The following ATXN1 variants were observed in gnomAD, a reference collection of about 807,000 sequenced individuals.
ATXN1 encodes the protein ataxin 1.
Under a neutral mutation model 56.4 loss-of-function variants are expected in ATXN1, and 8 were observed. The ratio of observed to expected loss-of-function variants is 0.14; its 90% CI spans 0.08 to 0.26. The LOEUF (loss-of-function observed/expected upper bound fraction) is 0.26, where lower values mean the gene tolerates loss of function less well. Among genes scored for constraint, ATXN1 ranks in the 10% least tolerant of loss-of-function variants. The pLI is 1.00. For missense variants in ATXN1, 987 were observed against 1,106.5 expected (o/e 0.89, Z 1.53); for synonymous variants, 514 against 494.6 (o/e 1.04, Z -0.52).
intron 2 of ATXN1, among the ~76,000 whole-genome samples, chr6:16,712,079 G>A (rs535337913): frequency 1.3e-5 from 2 of 152,252 alleles, no homozygotes; most frequent in South Asian, 2.1e-4. Flanking sequence ...TGACAGGAAG[G>A]GGGCAGAGGG....
At chr6:16,339,839 G>C (rs1761205340) in intron 6 of ATXN1, among the ~76,000 whole-genome samples, 1 of 152,190 alleles carries the variant, frequency 6.6e-6, no homozygotes, top group Non-Finnish European at 1.5e-5. Flanking sequence ...CTGTAGTGCA[G>C]TGGCGTGATC....
chr6:16,476,876 G>A (rs1514330), intron 6 of ATXN1, among the ~76,000 whole-genome samples: 5,724 of 152,228 alleles, frequency 0.038, 536 homozygotes, highest in East Asian at 0.33. Context: ...TATACAAAAC[G>A]TGCTAGAAAT....
At chr6:16,733,041 C>T (rs1011149858) in intron 2 of ATXN1, among the ~76,000 whole-genome samples, 2 of 152,304 alleles carry the variant, frequency 1.3e-5, no homozygotes, top group South Asian at 2.1e-4. Context: ...TATTTTCCAA[C>T]CGATGAAAGA....
chr6:16,504,773 A>G (rs1760949811), intron 5 of ATXN1, among the ~76,000 whole-genome samples: 2 of 152,104 alleles, frequency 1.3e-5, no homozygotes, highest in African/African-American at 4.8e-5. Context: ...CATGTGTAAA[A>G]TAACACAGGG....
At chr6:16,683,208 A>G (rs752854904) in intron 2 of ATXN1, among the ~76,000 whole-genome samples, 9 of 152,244 alleles carry the variant, frequency 5.9e-5, no homozygotes, top group Non-Finnish European at 8.8e-5. Context: ...CTAGAAGTCC[A>G]TATGTCAGTC....
intron 7 of ATXN1, among the ~76,000 whole-genome samples, chr6:16,314,150 C>T (rs1161764182): frequency 6.6e-6 from 1 of 152,184 alleles, no homozygotes; most frequent in Admixed American, 6.5e-5. Context: ...ACTACCTAGA[C>T]AATGTACTTT....
intron 6 of ATXN1, among the ~76,000 whole-genome samples, chr6:16,362,810 C>T (rs1165642098): frequency 6.6e-6 from 1 of 152,172 alleles, no homozygotes; most frequent in Non-Finnish European, 1.5e-5. Context: ...CTCCCACCCA[C>T]TCATGTCGCA....
chr6:16,444,571 CTG>C (rs1759595075), intron 6 of ATXN1, among the ~76,000 whole-genome samples: 1 of 152,112 alleles, frequency 6.6e-6, no homozygotes, highest in African/African-American at 2.4e-5. Flanking sequence ...TGGTTTGACA[CTG>C]TGAACTAGCT....
At chr6:16,407,360 C>T (rs1758706358) in intron 6 of ATXN1, among the ~76,000 whole-genome samples, 1 of 152,156 alleles carries the variant, frequency 6.6e-6, no homozygotes, top group Non-Finnish European at 1.5e-5. Flanking sequence ...CTGCTGTGTC[C>T]ACCAGTGCCT....
chr6:16,484,362 A>C (rs1451151366), intron 6 of ATXN1, among the ~76,000 whole-genome samples: 1 of 152,218 alleles, frequency 6.6e-6, no homozygotes, highest in African/African-American at 2.4e-5. Context: ...TGAGCTTGGG[A>C]GGCAGAGGTT....
chr6:16,725,772 AT>A (rs1759835667), intron 2 of ATXN1, among the ~76,000 whole-genome samples: 1 of 152,186 alleles, frequency 6.6e-6, no homozygotes, highest in African/African-American at 2.4e-5. Flanking sequence ...TTCCTGCACC[AT>A]TTTAAAGGAA....
At chr6:16,697,821 T>C (rs894497885) in intron 2 of ATXN1, among the ~76,000 whole-genome samples, 2 of 152,108 alleles carry the variant, frequency 1.3e-5, no homozygotes, top group Non-Finnish European at 2.9e-5. Flanking sequence ...GCACCTAAGT[T>C]CAAATTAGGA....
intron 3 of ATXN1, among the ~76,000 whole-genome samples, chr6:16,602,689 A>G (rs1762933733): frequency 6.6e-6 from 1 of 152,126 alleles, no homozygotes; most frequent in Admixed American, 6.5e-5. Flanking sequence ...TGACCTCATG[A>G]ACCACCCGCT....
intron 2 of ATXN1, among the ~76,000 whole-genome samples, chr6:16,675,385 C>T (rs1220089891): frequency 6.6e-6 from 1 of 152,124 alleles, no homozygotes; most frequent in South Asian, 2.1e-4. Context: ...GATCTAAGAG[C>T]CAAGGTCCTG....
chr6:16,696,659 C>T (rs756806184), intron 2 of ATXN1, among the ~76,000 whole-genome samples: 1 of 152,118 alleles, frequency 6.6e-6, no homozygotes, highest in Non-Finnish European at 1.5e-5. Context: ...AGTGAATAAT[C>T]ATTGAGGAAC....
intron 5 of ATXN1, 56 bp from the exon 6 acceptor site, chr6:16,486,165 C>T (rs1760539657): frequency 6.6e-6 from 1 of 152,190 alleles, no homozygotes; most frequent in Admixed American, 6.5e-5. Flanking sequence ...CATCAAATCA[C>T]TTGTTATCTG....
rs561207461 is a variant in ATXN1 at position 16,595,350 on chromosome 6, G to A, written c.-488-9443C>T. 2.0e-5 allele frequency among the ~76,000 whole-genome samples: 3 copies of A among 152,322 alleles called. No homozygotes were observed. In the South Asian group the frequency reaches 6.2e-4, roughly 32 times the overall value. On this transcript the variant is annotated intron_variant, in intron 3 of 7. Coordinates refer to ENST00000436367, the MANE Select transcript of ATXN1 (RefSeq NM_001128164.2). The stretch of plus-strand genomic sequence containing the variant: ...AACCTTTGGTCCTGGCTCAAAGGGT[G>A]AGCTACGAATCGGCCCGTTCTTCAT...
At chr6:16,474,372 A>G (rs1760283902) in intron 6 of ATXN1, among the ~76,000 whole-genome samples, 1 of 152,216 alleles carries the variant, frequency 6.6e-6, no homozygotes, top group African/African-American at 2.4e-5. Flanking sequence ...AGACTAGTCT[A>G]CTGGAGGATG....
At chr6:16,472,461 G>T (rs1303401107) in intron 6 of ATXN1, among the ~76,000 whole-genome samples, 1 of 152,164 alleles carries the variant, frequency 6.6e-6, no homozygotes. Flanking sequence ...AGTATAGAAT[G>T]CAATGAGTCA....
Sources: allele counts gnomAD v4.1 joint callset (sites outside exome capture counted in the v4.1 genomes callset), GRCh38; gene constraint gnomAD v4.1.1; transcripts MANE v1.5; gene names NCBI Gene and HGNC (gene_info 2026-07-23, HGNC 2026-07-21).